BMPR1A: variants seen among roughly 807,000 people sequenced by gnomAD.
BMPR1A encodes the protein bone morphogenetic protein receptor type 1A.
BMPR1A carries 7 observed loss-of-function variants against 66.0 expected under a neutral mutation model. The observed-to-expected ratio is 0.11, with a 90% CI of 0.06 to 0.20. The LOEUF is 0.20. Among genes scored for constraint, BMPR1A ranks in the 10% least tolerant of loss-of-function variants. The probability of loss-of-function intolerance (pLI) is 1.00; values close to 1 mark genes in which losing one functional copy is unlikely to be tolerated. For missense variants in BMPR1A, 408 were observed against 669.1 expected (o/e 0.61, Z 4.31); for synonymous variants, 200 against 229.7 (o/e 0.87, Z 1.17).
chr10:86,823,351 A>G (rs182149651), intron 1 of BMPR1A, among the ~76,000 whole-genome samples: 13 of 152,292 alleles, frequency 8.5e-5, no homozygotes, highest in Admixed American at 7.2e-4. Flanking sequence ...TGCCATACCT[A>G]TATTAACTCC....
At chr10:86,860,841 C>CT (rs1219747565) in intron 2 of BMPR1A, among the ~76,000 whole-genome samples, 1,540 of 135,066 alleles carry the variant, frequency 0.011, 27 homozygotes, top group African/African-American at 0.031. Flanking sequence ...TGCCATAGAA[C>CT]TTTTTTTTTT....
In BMPR1A at chr10:86,790,234, T is replaced by TATGTAA. The variant is rs1190481905; in HGVS notation, c.-268+33317_-268+33318insGTAAAT. Among the ~76,000 whole-genome samples, 19 of 48,016 alleles carry TATGTAA rather than the reference T, an allele frequency of 4.0e-4. 1 individual carries two copies. The highest frequency in any genetic ancestry group is 2.3e-3 in the South Asian group (2 of 866). The allele number at this position is 48,016 out of a possible 152,430, so 31.5% of individuals were successfully genotyped here. Reference sequence around the variant, plus strand: ...ATATATATATATATATATATATATATATCAAAACCACAATGAGATTCTGCT... The same window carrying TATGTAA: ...ATATATATATATATATATATATATATATGTAAATCAAAACCACAATGAGATTCTGCT... On this transcript the variant is annotated intron_variant, in intron 1 of 12. Transcript: ENST00000372037.
At chr10:86,910,021 C>T (rs1365465658) in intron 7 of BMPR1A, among the ~76,000 whole-genome samples, 1 of 152,012 alleles carries the variant, frequency 6.6e-6, no homozygotes, top group African/African-American at 2.4e-5. Context: ...TGCAATAAGA[C>T]TAGAAACCAT....
chr10:86,760,474 T>C (rs1384115947), intron 1 of BMPR1A, among the ~76,000 whole-genome samples: 2 of 151,948 alleles, frequency 1.3e-5, no homozygotes, highest in African/African-American at 2.4e-5. Context: ...CTGACCTCAG[T>C]TGATCCGCTC....
chr10:86,824,081 T>TGTGTGTGTGTGTGTGTGTG (rs1842157809), intron 1 of BMPR1A, among the ~76,000 whole-genome samples: 55 of 94,130 alleles, frequency 5.8e-4, no homozygotes, highest in African/African-American at 1.5e-3. Flanking sequence ...TTACCAAGGG[T>TGTGTGTGTGTGTGTGTGTG]TGTGTGTGTG....
chr10:86,862,160 G>A (rs944540417), intron 2 of BMPR1A, among the ~76,000 whole-genome samples: 6 of 152,184 alleles, frequency 3.9e-5, no homozygotes, highest in African/African-American at 1.4e-4. Context: ...TATATAGCAT[G>A]ACAAATGCTA....
intron 2 of BMPR1A, among the ~76,000 whole-genome samples, chr10:86,874,915 G>A (rs1842901139): frequency 6.7e-6 from 1 of 149,368 alleles, no homozygotes; most frequent in African/African-American, 2.5e-5. Context: ...AGTAGAGATG[G>A]GGTTTCACCA....
At chr10:86,871,642 C>T (rs2133295778) in intron 2 of BMPR1A, among the ~76,000 whole-genome samples, 1 of 152,116 alleles carries the variant, frequency 6.6e-6, no homozygotes, top group South Asian at 2.1e-4. Flanking sequence ...CAAACCCCAT[C>T]TCAACAGAAA....
Position 86,795,493 on chromosome 10 carries a change from G to A in BMPR1A, c.-268+38574G>A, listed in dbSNP as rs535289195. ...CAGCACAAAGATGCCATTTTGGGAG[G>A]TTAAATTACTTTCTAAAAGTTGCTG... On this transcript the variant is annotated intron_variant, in intron 1 of 12. Transcript: ENST00000372037. Among the ~76,000 whole-genome samples, 3 of 152,088 alleles carry A rather than the reference G, an allele frequency of 2.0e-5. No individual in the cohort carries two copies. The South Asian group carries it at 6.2e-4, about 32-fold the overall frequency.
At chr10:86,759,996 C>CT (rs1292493759) in intron 1 of BMPR1A, among the ~76,000 whole-genome samples, 3 of 129,674 alleles carry the variant, frequency 2.3e-5, no homozygotes, top group Non-Finnish European at 3.2e-5. Context: ...CCCCCTAACT[C>CT]TAAATCAAGT....
At chr10:86,765,468 AGTAAGACTCT>A (rs1283408082) in intron 1 of BMPR1A, among the ~76,000 whole-genome samples, 6 of 130,690 alleles carry the variant, frequency 4.6e-5, no homozygotes, top group South Asian at 2.6e-4. Context: ...TGGGCGACAG[AGTAAGACTCT>A]GTCTCAAAAA....
At position 86,850,528 on chromosome 10, in the gene BMPR1A, A is replaced by T. The variant is rs749214878; in HGVS notation, c.-153+11549A>T. The stretch of plus-strand genomic sequence containing the variant: ...TTTCTAGCCAGCTTGCAAGCTAGCC[A>T]GCTCTGCCCAGTGAGGGTGTAATTC... On this transcript the variant is annotated intron_variant, in intron 2 of 12. Coordinates refer to ENST00000372037, the MANE Select transcript of BMPR1A (RefSeq NM_004329.3). Among the ~76,000 whole-genome samples, 5 of 152,302 alleles carry T rather than the reference A, an allele frequency of 3.3e-5. No homozygotes were observed. In the East Asian group the frequency reaches 5.8e-4, roughly 18 times the overall value.
rs111809410 is a variant in BMPR1A, at chr10:86,819,084, A to C, written c.-267-19781A>C. ...GCCAGCCACGTATTAAACAGTACTC[A>C]GCTCTTACCTCTGTATCTTATATTC... On this transcript the variant is annotated intron_variant, in intron 1 of 12. Transcript: ENST00000372037. Among the ~76,000 whole-genome samples, 957 of 152,240 alleles carry C rather than the reference A, an allele frequency of 6.3e-3. 15 individuals carry two copies. Among genetic ancestry groups the C allele is most frequent in the African/African-American group, 0.021 (877 of 41,542 alleles).
chr10:86,888,826 CA>C (rs11353145), intron 3 of BMPR1A, among the ~76,000 whole-genome samples: 23,616 of 85,496 alleles, frequency 0.28, 2,195 homozygotes, highest in East Asian at 0.67. Context: ...GACCATGTCT[CA>C]AAAAAAAAAA....
chr10:86,791,613 A>G (rs1445063077), intron 1 of BMPR1A, among the ~76,000 whole-genome samples: 3 of 142,634 alleles, frequency 2.1e-5, no homozygotes, highest in Admixed American at 6.9e-5. Flanking sequence ...ACTAATGAAG[A>G]AAAAAAAAAA....
chr10:86,766,704 C>T (rs954301173), intron 1 of BMPR1A, among the ~76,000 whole-genome samples: 1 of 150,492 alleles, frequency 6.6e-6, no homozygotes, highest in African/African-American at 2.5e-5. Flanking sequence ...CAAGCTCCGC[C>T]TCCTGGGTTC....
intron 2 of BMPR1A, among the ~76,000 whole-genome samples, chr10:86,864,989 G>A (rs940983925): frequency 5.9e-5 from 9 of 151,798 alleles, no homozygotes; most frequent in Non-Finnish European, 8.8e-5. Flanking sequence ...AAAAATTTTC[G>A]CCGCCCCAAC....
chr10:86,920,073 T>C (rs2133597929), intron 10 of BMPR1A, among the ~76,000 whole-genome samples: 1 of 152,310 alleles, frequency 6.6e-6, no homozygotes, highest in Non-Finnish European at 1.5e-5. Context: ...GGAGGTACTG[T>C]AGTTTATTCT....
chr10:86,811,156 A>C (rs1841964778), intron 1 of BMPR1A, among the ~76,000 whole-genome samples: 1 of 152,092 alleles, frequency 6.6e-6, no homozygotes, highest in South Asian at 2.1e-4. Context: ...CTTCTGCCTC[A>C]GCCTCCCGAG....
Sources: gnomAD v4.1 joint callset for allele counts (sites outside exome capture counted in the v4.1 genomes callset) on GRCh38, gnomAD v4.1.1 for gene constraint, MANE v1.5 for transcripts, NCBI Gene and HGNC (gene_info 2026-07-23, HGNC 2026-07-21) for gene names.